The following CFAP107 variants were observed in gnomAD, a reference collection of about 807,000 sequenced individuals.
The protein encoded by CFAP107 is cilia and flagella associated protein 107, also known as cilia- and flagella-associated protein 107.
chr1:12,760,941 C>T, the CFAP107 span: 1 of 1,611,548 alleles, frequency 6.2e-7, no homozygotes, highest in Admixed American at 1.7e-5. Context: ...CATCCTCTCC[C>T]ACACTTCTGA....
At chr1:12,755,146 C>T in the CFAP107 span, among the ~76,000 whole-genome samples, 5 of 152,178 alleles carry the variant, frequency 3.3e-5, no homozygotes, top group African/African-American at 1.2e-4. Flanking sequence ...GTGGCTCATG[C>T]CTGTAATCCC....
the CFAP107 span, among the ~76,000 whole-genome samples, chr1:12,757,739 C>T: frequency 1.3e-5 from 2 of 151,978 alleles, no homozygotes; most frequent in African/African-American, 4.8e-5. Context: ...TGGGATGGGG[C>T]CCTGAACATA....
the CFAP107 span, chr1:12,760,682 C>G: frequency 1.5e-6 from 2 of 1,352,926 alleles, no homozygotes; most frequent in African/African-American, 2.9e-5. Flanking sequence ...CTCCAGGGCC[C>G]CTGCTGCCCA....
chr1:12,758,300 C>A, the CFAP107 span, among the ~76,000 whole-genome samples: 2 of 152,212 alleles, frequency 1.3e-5, no homozygotes, highest in Admixed American at 1.3e-4. Flanking sequence ...TAAAGACACA[C>A]CCCAAATCAA....
At chr1:12,746,293 T>C in the CFAP107 span, 1 of 583,650 alleles carries the variant, frequency 1.7e-6, no homozygotes, top group African/African-American at 1.9e-5. Flanking sequence ...TAGCAAGGAG[T>C]CATCTACTAG....
At chr1:12,759,430 A>C in the CFAP107 span, 1 of 1,614,018 alleles carries the variant, frequency 6.2e-7, no homozygotes, top group Non-Finnish European at 8.5e-7. Context: ...TCCACTCCGC[A>C]CTTGGAATGG....
At chr1:12,759,409 C>A in the CFAP107 span, 1 of 1,614,152 alleles carries the variant, frequency 6.2e-7, no homozygotes, top group African/African-American at 1.3e-5. Flanking sequence ...TGGTTACAAC[C>A]CGGGGCTGCC....
the CFAP107 span, chr1:12,755,917 A>G: frequency 2.7e-6 from 2 of 752,572 alleles, no homozygotes; most frequent in Non-Finnish European, 4.5e-6. Context: ...GGGGGAAATC[A>G]GGAGTAGTCT....
the CFAP107 span, chr1:12,763,507 G>C: frequency 6.6e-6 from 1 of 152,152 alleles, no homozygotes; most frequent in Admixed American, 6.5e-5. Flanking sequence ...GGTGGCTTGG[G>C]CCATGGGGGC....
the CFAP107 span, chr1:12,759,172 G>T: frequency 1.1e-6 from 1 of 900,444 alleles, no homozygotes; most frequent in Non-Finnish European, 1.7e-6. Flanking sequence ...TGTTTCTGAA[G>T]ACCCTTTGCC....
At chr1:12,754,151 A>G in the CFAP107 span, among the ~76,000 whole-genome samples, 20 of 152,214 alleles carry the variant, frequency 1.3e-4, no homozygotes, top group Non-Finnish European at 2.1e-4. Context: ...TATCCAGAAT[A>G]TGTAAAGGAC....
the CFAP107 span, chr1:12,755,677 C>T: frequency 6.6e-7 from 1 of 1,524,598 alleles, no homozygotes; most frequent in South Asian, 1.1e-5. Flanking sequence ...CAGAGGTTTT[C>T]CTGAATATTT....
At chr1:12,754,783 C>T in the CFAP107 span, among the ~76,000 whole-genome samples, 3 of 152,310 alleles carry the variant, frequency 2.0e-5, no homozygotes, top group East Asian at 3.9e-4. Context: ...TGTGATTCTA[C>T]TTACATAGGG....
At chr1:12,755,846 CTG>C in the CFAP107 span, 1 of 1,453,690 alleles carries the variant, frequency 6.9e-7, no homozygotes, top group South Asian at 1.2e-5. Flanking sequence ...ACACTCAGGC[CTG>C]GACCCCACCC....
chr1:12,759,250 CATGGCCAGGTGG>C, the CFAP107 span: 2 of 1,579,230 alleles, frequency 1.3e-6, no homozygotes, highest in East Asian at 4.5e-5. Context: ...CTGTCTCCAC[CATGGCCAGGTGG>C]ATGCTTCGCT....
chr1:12,760,955 C>T, the CFAP107 span: 2 of 1,607,478 alleles, frequency 1.2e-6, no homozygotes. Flanking sequence ...CTTCTGAGAG[C>T]TGCCACCCCA....
chr1:12,748,567 A>T, the CFAP107 span, among the ~76,000 whole-genome samples: 3 of 152,118 alleles, frequency 2.0e-5, no homozygotes, highest in Admixed American at 2.0e-4. Flanking sequence ...AAGACTCAGA[A>T]CATTACCTGC....
the CFAP107 span, among the ~76,000 whole-genome samples, chr1:12,758,986 G>A: frequency 6.6e-6 from 1 of 152,180 alleles, no homozygotes; most frequent in Non-Finnish European, 1.5e-5. Context: ...GATCACAAGT[G>A]AGGTGGTGCT....
chr1:12,759,392 A>G, the CFAP107 span: 1 of 1,614,010 alleles, frequency 6.2e-7, no homozygotes, highest in Non-Finnish European at 8.5e-7. Context: ...GACCATTACA[A>G]CCGGCATGGT....
Sources: allele counts gnomAD v4.1 joint callset (sites outside exome capture counted in the v4.1 genomes callset), GRCh38; gene constraint gnomAD v4.1.1; transcripts MANE v1.5; gene names NCBI Gene and HGNC (gene_info 2026-07-23, HGNC 2026-07-21).